FRMD4B: variants seen among roughly 807,000 people sequenced by gnomAD.
FRMD4B encodes FERM domain-containing protein 4B.
A neutral mutation model predicts 141.5 loss-of-function variants in FRMD4B; 74 were observed. The observed-to-expected ratio is 0.52, with a 90% CI of 0.43 to 0.63. The LOEUF (loss-of-function observed/expected upper bound fraction) is 0.63, where lower values mean the gene tolerates loss of function less well. FRMD4B is among the 30% of genes least tolerant of loss of function. The pLI is 0.00. For missense variants in FRMD4B, 1,366 were observed against 1,253.4 expected (o/e 1.09, Z -1.36); for synonymous variants, 506 against 467.9 (o/e 1.08, Z -1.05).
chr3:69,333,334 A>C (rs1702441902), intron 1 of FRMD4B, among the ~76,000 whole-genome samples: 1 of 152,198 alleles, frequency 6.6e-6, no homozygotes, highest in Non-Finnish European at 1.5e-5. Context: ...CATCAAAGAG[A>C]AATGATTTGC....
rs140202368 is a variant in FRMD4B, at chr3:69,169,353, C to CT, written c.*2507dup. ...AGGATTGCTGAACTTCCATTTCTTT[C>CT]TTTTTTTTTTTTTTTTTTTTTTCTT... On this transcript the variant is annotated 3_prime_UTR_variant, in exon 23 of 23. Coordinates refer to ENST00000398540, the MANE Select transcript of FRMD4B (RefSeq NM_015123.3). Among the ~76,000 whole-genome samples, 7 of 29,288 alleles carry CT rather than the reference C, an allele frequency of 2.4e-4. No homozygotes were observed. Among genetic ancestry groups the CT allele is most frequent in the Admixed American group, 6.0e-4 (1 of 1,666 alleles). 19.2% of individuals were successfully genotyped at this position (29,288 alleles called of 152,430 possible). A position where few individuals can be genotyped will look rare whatever the true frequency, so the allele number is the denominator to read the frequency against.
chr3:69,269,565 G>T (rs1030439474), intron 5 of FRMD4B, among the ~76,000 whole-genome samples: 2 of 152,206 alleles, frequency 1.3e-5, no homozygotes, highest in Admixed American at 6.5e-5. Context: ...GTCTCTCCAA[G>T]GGGTGTATAA....
At chr3:69,536,426 G>A (rs779667305) in intron 1 of FRMD4B, 12 of 711,206 alleles carry the variant, frequency 1.7e-5, no homozygotes, top group Middle Eastern at 2.4e-4. Context: ...TACCTGAAGC[G>A]GAGGACGTCC....
chr3:69,472,381 C>A, intron 1 of FRMD4B: 1 of 495,146 alleles, frequency 2.0e-6, no homozygotes, highest in South Asian at 1.5e-5. Flanking sequence ...TCTCCACCCT[C>A]ATTCTTAATA....
intron 9 of FRMD4B, among the ~76,000 whole-genome samples, chr3:69,219,132 T>C (rs1227132364): frequency 7.2e-6 from 1 of 139,328 alleles, no homozygotes; most frequent in Non-Finnish European, 1.5e-5. Context: ...ACTATTGCAC[T>C]CCAGCCTGGG....
At chr3:69,505,860 G>C (rs777567788) in intron 1 of FRMD4B, among the ~76,000 whole-genome samples, 1 of 152,124 alleles carries the variant, frequency 6.6e-6, no homozygotes, top group Non-Finnish European at 1.5e-5. Context: ...GGATCCTGTG[G>C]GGAAGGCAGC....
chr3:69,206,041 T>A (rs1379125103), intron 11 of FRMD4B, among the ~76,000 whole-genome samples: 1 of 152,094 alleles, frequency 6.6e-6, no homozygotes, highest in Admixed American at 6.6e-5. Flanking sequence ...AAATATGATC[T>A]CAACCTTACA....
At chr3:69,393,923 A>C (rs976758739) in intron 2 of FRMD4B, among the ~76,000 whole-genome samples, 5 of 152,238 alleles carry the variant, frequency 3.3e-5, no homozygotes, top group African/African-American at 9.6e-5. Context: ...CATTTATGGC[A>C]GCATTTTTAA....
At chr3:69,288,220 C>A (rs1700755573) in intron 4 of FRMD4B, among the ~76,000 whole-genome samples, 1 of 152,252 alleles carries the variant, frequency 6.6e-6, no homozygotes, top group Admixed American at 6.5e-5. Flanking sequence ...CTGAAGTCGG[C>A]TGAGCAAGCA....
intron 1 of FRMD4B, among the ~76,000 whole-genome samples, chr3:69,468,038 T>C (rs1245107304): frequency 6.6e-6 from 1 of 152,176 alleles, no homozygotes; most frequent in Non-Finnish European, 1.5e-5. Context: ...ATTAACAGAG[T>C]TTTTGACAAA....
intron 2 of FRMD4B, among the ~76,000 whole-genome samples, chr3:69,414,553 G>A (rs1329157115): frequency 6.6e-6 from 1 of 152,256 alleles, no homozygotes; most frequent in Non-Finnish European, 1.5e-5. Flanking sequence ...CTTAGGGCGT[G>A]ATCCGCCTGC....
At chr3:69,486,598 A>C (rs1420012244) in intron 1 of FRMD4B, among the ~76,000 whole-genome samples, 1 of 152,200 alleles carries the variant, frequency 6.6e-6, no homozygotes, top group African/African-American at 2.4e-5. Flanking sequence ...AGTGAGCAGA[A>C]GGGGATTTAC....
At position 69,320,483 on chromosome 3, in the gene FRMD4B, C is replaced by T. The variant is rs367929866; in HGVS notation, c.163-6966G>A. On this transcript the variant is annotated intron_variant, in intron 1 of 22. Coordinates refer to ENST00000398540, the MANE Select transcript of FRMD4B (RefSeq NM_015123.3). ...TGGTGTGTGCCTGTAGTCCCAGCTA[C>T]TCGGGAAGCTGAGGCAGGAGGATCG... is the stretch of plus-strand genomic sequence containing the variant. Among the ~76,000 whole-genome samples, 6 of 152,208 alleles carry T rather than the reference C, an allele frequency of 3.9e-5. No homozygotes were observed. The East Asian group carries it at 1.2e-3, about 29-fold the overall frequency.
In FRMD4B at chr3:69,536,545, A is replaced by AG. The variant is rs912502196; in HGVS notation, c.-129+5660dup. 33 of 696,928 alleles carry AG rather than the reference A, an allele frequency of 4.7e-5. No homozygotes were observed. The African/African-American group carries it at 4.8e-4, about 10-fold the overall frequency. 43.2% of individuals were successfully genotyped at this position (696,928 alleles called of 1,614,324 possible). A position where few individuals can be genotyped will look rare whatever the true frequency, so the allele number is the denominator to read the frequency against. On this transcript the variant is annotated intron_variant, in intron 1 of 5. Transcript: ENST00000459638. ...TACCACCGTGCGGGGGGTGGGGAAT[A>AG]GGGGGGATGGTGAGAGGGCAGGAGG...
chr3:69,372,670 CAAAT>C lies in FRMD4B; in HGVS notation c.162+13154_162+13157del, dbSNP rs1467550278. Among the ~76,000 whole-genome samples the C allele has an allele frequency of 2.0e-3, 280 of 137,970 alleles. 1 individual carries two copies. The highest frequency in any genetic ancestry group is 6.2e-3 in the African/African-American group (247 of 39,818). 90.5% of individuals were successfully genotyped at this position (137,970 alleles called of 152,430 possible). ...ACAGAGCAGGACTCCGTCTCAAAAA[CAAAT>C]AAATAAATAAACAAACAAACAATAA... On this transcript the variant is annotated intron_variant, in intron 1 of 22. Coordinates refer to ENST00000398540, the MANE Select transcript of FRMD4B (RefSeq NM_015123.3).
intron 1 of FRMD4B, among the ~76,000 whole-genome samples, chr3:69,349,008 AT>A (rs1453320786): frequency 6.6e-6 from 1 of 152,224 alleles, no homozygotes; most frequent in African/African-American, 2.4e-5. Context: ...AAAGGTATTC[AT>A]TTAGGAAAAG....
At chr3:69,265,132 G>C (rs1334608044) in intron 5 of FRMD4B, among the ~76,000 whole-genome samples, 1 of 149,308 alleles carries the variant, frequency 6.7e-6, no homozygotes, top group East Asian at 2.0e-4. Context: ...GTGGGCGCCT[G>C]TAGTCCCAGC....
At chr3:69,321,971 G>T (rs980856101) in intron 1 of FRMD4B, among the ~76,000 whole-genome samples, 24 of 152,136 alleles carry the variant, frequency 1.6e-4, no homozygotes, top group Admixed American at 6.6e-5. Context: ...GCTTCCCAAA[G>T]TGCTGGGATT....
intron 1 of FRMD4B, among the ~76,000 whole-genome samples, chr3:69,461,501 A>G (rs1290851507): frequency 6.6e-6 from 1 of 151,854 alleles, no homozygotes; most frequent in Non-Finnish European, 1.5e-5. Context: ...GCGCACGCCT[A>G]TAGTCCCACC....
Sources: gnomAD v4.1 joint callset for allele counts (sites outside exome capture counted in the v4.1 genomes callset) on GRCh38, gnomAD v4.1.1 for gene constraint, MANE v1.5 for transcripts, NCBI Gene and HGNC (gene_info 2026-07-23, HGNC 2026-07-21) for gene names.